Variants in GNA14 observed in about 807,000 individuals in gnomAD.
GNA14 encodes the protein G protein subunit alpha 14.
A neutral mutation model predicts 42.0 loss-of-function variants in GNA14; 50 were observed. The ratio of observed to expected loss-of-function variants is 1.19; its 90% CI spans 0.95 to 1.51. The LOEUF is 1.51. GNA14 is among the 40% of genes most tolerant of loss of function. GNA14 has a pLI of 0.00. For synonymous variants in GNA14, 173 were observed against 163.1 expected (o/e 1.06, Z -0.46); for missense variants, 473 against 446.2 (o/e 1.06, Z -0.54).
chr9:77,434,600 C>G, intron 2 of GNA14, 78 bp from the exon 3 acceptor site: 2 of 1,311,944 alleles, frequency 1.5e-6, no homozygotes, highest in Non-Finnish European at 2.1e-6. Flanking sequence ...ACAAGTCTTG[C>G]CCTGGTCTGT....
chr9:77,628,331 C>A (rs576910322), intron 1 of GNA14, among the ~76,000 whole-genome samples: 2 of 152,258 alleles, frequency 1.3e-5, no homozygotes, highest in Admixed American at 1.3e-4. Context: ...TTTATAGATT[C>A]AATGCTATCC....
chr9:77,433,197 A>G (rs1835586245), intron 3 of GNA14, among the ~76,000 whole-genome samples: 1 of 152,090 alleles, frequency 6.6e-6, no homozygotes, highest in African/African-American at 2.4e-5. Context: ...ACCCAAAGGG[A>G]AGGAGGTACG....
At chr9:77,472,666 A>C (rs934335418) in intron 2 of GNA14, among the ~76,000 whole-genome samples, 1 of 152,180 alleles carries the variant, frequency 6.6e-6, no homozygotes, top group African/African-American at 2.4e-5. Flanking sequence ...TTGAAGCCCT[A>C]AGCCCTAATG....
chr9:77,569,789 C>T (rs1268069255), intron 1 of GNA14, among the ~76,000 whole-genome samples: 2 of 148,874 alleles, frequency 1.3e-5, no homozygotes, highest in Non-Finnish European at 3.0e-5. Flanking sequence ...TTTTTTAAGA[C>T]GGAGTTTCGC....
At chr9:77,447,427 A>G (rs1835839354) in intron 2 of GNA14, among the ~76,000 whole-genome samples, 1 of 152,152 alleles carries the variant, frequency 6.6e-6, no homozygotes, top group Non-Finnish European at 1.5e-5. Flanking sequence ...CCCCAATCAA[A>G]AAGTGCAGGT....
chr9:77,586,787 C>A (rs1823310888), intron 1 of GNA14, among the ~76,000 whole-genome samples: 1 of 152,176 alleles, frequency 6.6e-6, no homozygotes, highest in South Asian at 2.1e-4. Context: ...AGGTTCTCTA[C>A]CTGGCCAGCG....
chr9:77,517,405 G>A (rs1044755327), intron 2 of GNA14: 5 of 150,772 alleles, frequency 3.3e-5, no homozygotes, highest in African/African-American at 9.8e-5. Flanking sequence ...AAAATAGGGA[G>A]CGAGGGGCCA....
At chr9:77,641,665 A>G (rs1824269903) in intron 1 of GNA14, among the ~76,000 whole-genome samples, 1 of 152,154 alleles carries the variant, frequency 6.6e-6, no homozygotes, top group Non-Finnish European at 1.5e-5. Context: ...AAAGAAACTA[A>G]AAGGATATGA....
Position 77,540,663 on chromosome 9 carries a change from G to A in GNA14, c.125-11410C>T, listed in dbSNP as rs542404490. ...GAATCTGAGTGCTCCAGTTTTGGGA[G>A]CATATATATTTAAAGTTGTTATTTC... On this transcript the variant is annotated intron_variant, in intron 1 of 6. Transcript: ENST00000341700. Among the ~76,000 whole-genome samples the A allele has an allele frequency of 2.0e-5, 3 of 152,144 alleles. No homozygotes were observed. In the South Asian group the frequency reaches 6.2e-4, roughly 32 times the overall value.
chr9:77,577,717 C>A (rs1045439867), intron 1 of GNA14, among the ~76,000 whole-genome samples: 1 of 152,168 alleles, frequency 6.6e-6, no homozygotes, highest in Admixed American at 6.5e-5. Context: ...TCAATGAGGG[C>A]TCTGTAGAAT....
At position 77,428,836 on chromosome 9, in the gene GNA14, C is replaced by T. The variant is rs12551663; in HGVS notation, c.723+71G>A. 278,053 of 1,506,230 alleles carry T rather than the reference C, an allele frequency of 0.18. 27,562 individuals carry two copies. The highest frequency in any genetic ancestry group is 0.31 in the Admixed American group (16,870 of 54,628). The allele number at this position is 1,506,230 out of a possible 1,614,324, so 93.3% of individuals were successfully genotyped here. A position where few individuals can be genotyped will look rare whatever the true frequency, so the allele number is the denominator to read the frequency against. ...AATGACGAGGGTCTATTTCCTGACC[C>T]GGCTGCCTTCTTAGAAACCACAGAA... On this transcript the variant is annotated intron_variant, in intron 5 of 6. Coordinates refer to ENST00000341700, the MANE Select transcript of GNA14 (RefSeq NM_004297.4).
intron 2 of GNA14, among the ~76,000 whole-genome samples, chr9:77,519,183 G>A (rs1564040198): frequency 6.6e-6 from 1 of 152,180 alleles, no homozygotes; most frequent in African/African-American, 2.4e-5. Context: ...GGCCGAGGCG[G>A]GTGGGTCACC....
intron 1 of GNA14, among the ~76,000 whole-genome samples, chr9:77,571,692 C>T (rs570819933): frequency 1.3e-5 from 2 of 149,888 alleles, no homozygotes; most frequent in South Asian, 2.1e-4. Flanking sequence ...ACCAGCTACT[C>T]GAGAGGCTGA....
intron 1 of GNA14, among the ~76,000 whole-genome samples, chr9:77,596,797 C>G (rs541698973): frequency 3.3e-5 from 5 of 152,232 alleles, no homozygotes; most frequent in Non-Finnish European, 5.9e-5. Context: ...ATCTGATTGC[C>G]TCATTTGGAG....
At chr9:77,644,436 TCAAAAAA>T (rs1824319926) in intron 1 of GNA14, among the ~76,000 whole-genome samples, 1 of 35,176 alleles carries the variant, frequency 2.8e-5, no homozygotes, top group African/African-American at 2.3e-4. Context: ...CTAAAGAGTG[TCAAAAAA>T]AAAAAAAAAA....
intron 1 of GNA14, among the ~76,000 whole-genome samples, chr9:77,577,429 T>C (rs1001998102): frequency 1.3e-5 from 2 of 152,190 alleles, no homozygotes; most frequent in African/African-American, 4.8e-5. Context: ...TCCATCTATA[T>C]CGATATTTAA....
chr9:77,552,238 ATTAT>A (rs1442574833), intron 1 of GNA14, among the ~76,000 whole-genome samples: 1 of 151,084 alleles, frequency 6.6e-6, no homozygotes, highest in African/African-American at 2.4e-5. Flanking sequence ...ATTCTGGGGG[ATTAT>A]TTGTTTGGTT....
chr9:77,533,712 C>A (rs892331379), intron 1 of GNA14, among the ~76,000 whole-genome samples: 1 of 152,186 alleles, frequency 6.6e-6, no homozygotes, highest in Non-Finnish European at 1.5e-5. Context: ...ACAGCTTTGC[C>A]TTGGATCCTC....
chr9:77,500,023 TTTC>T (rs1179527833), intron 2 of GNA14, among the ~76,000 whole-genome samples: 1 of 151,226 alleles, frequency 6.6e-6, no homozygotes, highest in Non-Finnish European at 1.5e-5. Context: ...GATAATTTCT[TTTC>T]TTTTTTTTTT....
Sources: allele counts gnomAD v4.1 joint callset (sites outside exome capture counted in the v4.1 genomes callset), GRCh38; gene constraint gnomAD v4.1.1; transcripts MANE v1.5; gene names NCBI Gene and HGNC (gene_info 2026-07-23, HGNC 2026-07-21).